The following AP4E1 variants were observed in gnomAD, a reference collection of about 807,000 sequenced individuals.
The protein encoded by AP4E1 is AP-4 complex subunit epsilon-1.
In AP4E1, 56 loss-of-function variants were observed where a neutral mutation model predicts 128.2. The observed-to-expected ratio is 0.44, with a 90% CI of 0.35 to 0.55. The LOEUF (loss-of-function observed/expected upper bound fraction) is 0.55. Among genes scored for constraint, AP4E1 ranks in the 20% least tolerant of loss-of-function variants. The probability of loss-of-function intolerance (pLI) is 0.00; values close to 1 mark genes in which losing one functional copy is unlikely to be tolerated. For synonymous variants in AP4E1, 484 were observed against 473.1 expected, an observed-to-expected ratio of 1.02 and a Z score of -0.30; for missense variants, 1,324 against 1,307.7, an observed-to-expected ratio of 1.01 and a Z score of -0.19.
At chr15:50,982,937 A>T (rs759808505) in intron 15 of AP4E1, among the ~76,000 whole-genome samples, 2 of 152,228 alleles carry the variant, frequency 1.3e-5, no homozygotes, top group Non-Finnish European at 2.9e-5. Flanking sequence ...TGAGAATAGT[A>T]ATTACAGAAG....
At chr15:50,949,762 C>T (rs1286605311) in intron 11 of AP4E1, 64 bp from the exon 12 acceptor site, 3 of 1,252,488 alleles carry the variant, frequency 2.4e-6, no homozygotes, top group Non-Finnish European at 3.5e-6. Flanking sequence ...TAAAAGATTG[C>T]TACAGAAGGG....
At chr15:50,951,309 T>G (rs186843866) in intron 13 of AP4E1, among the ~76,000 whole-genome samples, 4 of 152,340 alleles carry the variant, frequency 2.6e-5, no homozygotes, top group Admixed American at 2.6e-4. Context: ...ACTGAGGGTT[T>G]TGCTTGCATA....
intron 7 of AP4E1, 87 bp from the exon 8 acceptor site, chr15:50,934,537 T>G (rs1412472300): frequency 4.9e-6 from 4 of 821,066 alleles, no homozygotes; most frequent in African/African-American, 1.7e-5. Flanking sequence ...CTTCTGTAGA[T>G]CCTCAGTTTT....
chr15:50,934,784 C>T (rs2063885635), intron 8 of AP4E1, 87 bp downstream of exon 8: 4 of 870,604 alleles, frequency 4.6e-6, no homozygotes, highest in Admixed American at 4.0e-5. Flanking sequence ...CTATAAATTC[C>T]AATAGAATTT....
intron 14 of AP4E1, among the ~76,000 whole-genome samples, chr15:50,962,795 A>G (rs1297343295): frequency 1.3e-5 from 2 of 151,548 alleles, no homozygotes. Context: ...AAACGATACA[A>G]TCAATAGAGT....
Position 50,949,950 on chromosome 15 carries a change from A to C in AP4E1, c.1429+12A>C, listed in dbSNP as rs768941074. The C allele has an allele frequency of 1.6e-5, 25 of 1,602,028 alleles. No individual in the cohort carries two copies. The Admixed American group carries it at 4.0e-4, about 26-fold the overall frequency. On this transcript the variant is annotated intron_variant, in intron 12 of 20. Coordinates refer to ENST00000261842, the MANE Select transcript of AP4E1 (RefSeq NM_007347.5). The stretch of plus-strand genomic sequence containing the variant: ...ACTACTAGCGGAAGGTTGGTACACT[A>C]TTATATTCTGTAAAGTAAACATTTT...
chr15:50,955,205 G>T (rs2064201961), intron 13 of AP4E1, among the ~76,000 whole-genome samples: 1 of 152,146 alleles, frequency 6.6e-6, no homozygotes, highest in Non-Finnish European at 1.5e-5. Context: ...CCAGTAATGG[G>T]ATGGCTGGAT....
intron 7 of AP4E1, among the ~76,000 whole-genome samples, chr15:50,931,578 T>C (rs1396245305): frequency 6.6e-6 from 1 of 151,796 alleles, no homozygotes; most frequent in Non-Finnish European, 1.5e-5. Context: ...AAAATAATAA[T>C]AATAAATAAA....
At chr15:50,934,799 C>G in intron 8 of AP4E1, 102 bp downstream of exon 8, 1 of 755,488 alleles carries the variant, frequency 1.3e-6, no homozygotes, top group Middle Eastern at 3.7e-4. Context: ...GAATTTTATA[C>G]ACTGATTTTA....
intron 16 of AP4E1, among the ~76,000 whole-genome samples, chr15:50,985,183 G>A (rs1204124234): frequency 2.0e-5 from 3 of 151,990 alleles, no homozygotes; most frequent in Non-Finnish European, 4.4e-5. Context: ...AAATTTGTTT[G>A]AGTTCTTTGT....
At chr15:50,936,870 G>A (rs1398249155) in intron 8 of AP4E1, among the ~76,000 whole-genome samples, 1 of 152,188 alleles carries the variant, frequency 6.6e-6, no homozygotes, top group African/African-American at 2.4e-5. Flanking sequence ...GACCTGGGAG[G>A]CAGAGGTTAC....
At chr15:50,923,119 G>A (rs1308777119) in intron 3 of AP4E1, among the ~76,000 whole-genome samples, 6 of 152,160 alleles carry the variant, frequency 3.9e-5, no homozygotes, top group African/African-American at 1.4e-4. Context: ...ATCTCATTGT[G>A]TGGTTATGAG....
intron 14 of AP4E1, among the ~76,000 whole-genome samples, chr15:50,959,614 T>C (rs946422352): frequency 6.6e-6 from 1 of 151,822 alleles, no homozygotes; most frequent in African/African-American, 2.4e-5. Context: ...TGAAAACACA[T>C]GAAAGTATAA....
At chr15:50,950,814 C>T (rs936809491) in intron 13 of AP4E1, among the ~76,000 whole-genome samples, 2 of 152,152 alleles carry the variant, frequency 1.3e-5, no homozygotes, top group Non-Finnish European at 2.9e-5. Context: ...TTGTTCCCCT[C>T]CGTGTGTCCT....
chr15:50,941,994 G>A (rs1290180151), intron 10 of AP4E1, among the ~76,000 whole-genome samples: 1 of 152,130 alleles, frequency 6.6e-6, no homozygotes, highest in Non-Finnish European at 1.5e-5. Flanking sequence ...TCAACTCACT[G>A]CAACTTCCAC....
At chr15:50,946,480 C>A (rs1271195659) in intron 10 of AP4E1, among the ~76,000 whole-genome samples, 5 of 152,014 alleles carry the variant, frequency 3.3e-5, no homozygotes, top group Admixed American at 3.3e-4. Context: ...TCTTACAAAA[C>A]CATCAGTCTG....
intron 11 of AP4E1, among the ~76,000 whole-genome samples, chr15:50,948,959 C>A (rs1193239296): frequency 1.4e-5 from 2 of 140,042 alleles, no homozygotes; most frequent in Non-Finnish European, 3.1e-5. Context: ...GCAACAAGAG[C>A]GAAACTCCGT....
chr15:50,957,544 G>A (rs929009596), intron 13 of AP4E1, among the ~76,000 whole-genome samples: 2 of 152,064 alleles, frequency 1.3e-5, no homozygotes, highest in Admixed American at 6.5e-5. Context: ...TCTGGCTTGC[G>A]GGTGGGGCTT....
At chr15:50,923,599 A>G (rs909777585) in intron 3 of AP4E1, among the ~76,000 whole-genome samples, 5 of 152,206 alleles carry the variant, frequency 3.3e-5, no homozygotes, top group Admixed American at 2.0e-4. Context: ...AGCAATTATA[A>G]AATAGAGAAT....
Sources: allele counts gnomAD v4.1 joint callset (sites outside exome capture counted in the v4.1 genomes callset), GRCh38; gene constraint gnomAD v4.1.1; transcripts MANE v1.5; gene names NCBI Gene and HGNC (gene_info 2026-07-23, HGNC 2026-07-21).